The following SNX18 variants were observed in gnomAD, a reference collection of about 807,000 sequenced individuals.
SNX18 encodes sorting nexin 18.
SNX18 carries 35 observed loss-of-function variants against 48.7 expected under a neutral mutation model. The observed-to-expected ratio is 0.72, with a 90% CI of 0.55 to 0.95. The LOEUF (loss-of-function observed/expected upper bound fraction) is 0.95. Ranked by LOEUF, SNX18 falls within the 40% of genes least tolerant of loss-of-function variation. SNX18 has a pLI of 0.00. For synonymous variants in SNX18, 492 were observed against 384.7 expected, an observed-to-expected ratio of 1.28 and a Z score of -3.26; for missense variants, 824 against 871.0, an observed-to-expected ratio of 0.95 and a Z score of 0.68.
At chr5:54,550,427 G>C (rs577880057), downstream of SNX18, among the ~76,000 whole-genome samples, 569 of 151,774 alleles carry the variant, frequency 3.7e-3, 5 homozygotes, top group Non-Finnish European at 4.3e-3. Flanking sequence ...AAAACTGTAG[G>C]TATCTATCAT....
the SNX18 span, among the ~76,000 whole-genome samples, chr5:54,568,423 G>A: frequency 6.6e-6 from 1 of 152,200 alleles, no homozygotes; most frequent in Non-Finnish European, 1.5e-5. Context: ...GCCAGGCAAG[G>A]ATGCAACGGC....
chr5:54,620,046 A>G, the SNX18 span, among the ~76,000 whole-genome samples: 4 of 152,204 alleles, frequency 2.6e-5, no homozygotes, highest in African/African-American at 2.4e-5. Context: ...TTTCTCTGGC[A>G]TAGTGAGTTT....
At chr5:54,620,313 G>C in the SNX18 span, among the ~76,000 whole-genome samples, 4 of 152,166 alleles carry the variant, frequency 2.6e-5, no homozygotes, top group African/African-American at 9.7e-5. Flanking sequence ...GAAGGAAGCA[G>C]CTACCAGAAC....
At chr5:54,561,217 T>G in the SNX18 span, among the ~76,000 whole-genome samples, 1 of 152,140 alleles carries the variant, frequency 6.6e-6, no homozygotes, top group Non-Finnish European at 1.5e-5. Flanking sequence ...TAATTTTGTA[T>G]TTTTAGTAAG....
chr5:54,534,030 G>C (rs1219323089), intron 1 of SNX18, among the ~76,000 whole-genome samples: 1 of 152,004 alleles, frequency 6.6e-6, no homozygotes, highest in Non-Finnish European at 1.5e-5. Context: ...AGCATGTTAC[G>C]TGTGCCAGGG....
chr5:54,589,324 C>G, the SNX18 span, among the ~76,000 whole-genome samples: 4 of 152,120 alleles, frequency 2.6e-5, no homozygotes, highest in Non-Finnish European at 5.9e-5. Flanking sequence ...ACCCCTGTGT[C>G]TCTGCCCAAG....
chr5:54,554,833 C>T, the SNX18 span, among the ~76,000 whole-genome samples: 1 of 152,184 alleles, frequency 6.6e-6, no homozygotes, highest in African/African-American at 2.4e-5. Flanking sequence ...TAATATCGAG[C>T]AGGGATTTCC....
Position 54,543,565 on chromosome 5 carries a change from G to C in SNX18, c.*133G>C. On this transcript the variant is annotated 3_prime_UTR_variant, in exon 2 of 2. Coordinates refer to ENST00000381410, the MANE Select transcript of SNX18 (RefSeq NM_001102575.2). ...CGGTTTTGTGTTCATCTGAAACCCA[G>C]CTGAATTTATAATTATGTAGGAAAT... The C allele has an allele frequency of 1.0e-6, 1 of 1,004,026 alleles. No individual in the cohort carries two copies. The highest frequency in any genetic ancestry group is 2.5e-5 in the East Asian group (1 of 40,216). The allele number at this position is 1,004,026 out of a possible 1,614,324, so 62.2% of individuals were successfully genotyped here. A position where few individuals can be genotyped will look rare whatever the true frequency, so the allele number is the denominator to read the frequency against.
downstream of SNX18, among the ~76,000 whole-genome samples, chr5:54,547,054 A>G (rs1406186574): frequency 6.6e-6 from 1 of 152,220 alleles, no homozygotes; most frequent in Non-Finnish European, 1.5e-5. Flanking sequence ...GTAGTCTTGT[A>G]TCTGCTTATC....
the SNX18 span, among the ~76,000 whole-genome samples, chr5:54,609,861 G>A: frequency 6.6e-6 from 1 of 152,212 alleles, no homozygotes; most frequent in Non-Finnish European, 1.5e-5. Flanking sequence ...GAGGTGATTG[G>A]ATCATGGGAG....
chr5:54,585,287 G>A, the SNX18 span, among the ~76,000 whole-genome samples: 1 of 138,534 alleles, frequency 7.2e-6, no homozygotes, highest in African/African-American at 2.7e-5. Flanking sequence ...GTGAGACTCT[G>A]TCCCAAAAAG....
rs1448297748 is a variant in SNX18 at position 54,517,800 on chromosome 5, C to G, written c.-153C>G. 7 of 682,890 alleles carry G rather than the reference C, an allele frequency of 1.0e-5. No individual in the cohort carries two copies. Among genetic ancestry groups the G allele is most frequent in the African/African-American group, 5.7e-5 (3 of 52,772 alleles). 42.3% of individuals were successfully genotyped at this position (682,890 alleles called of 1,614,324 possible). A position where few individuals can be genotyped will look rare whatever the true frequency, so the allele number is the denominator to read the frequency against. Reference sequence around the variant, plus strand: ...TGGAGGCGCTGCGAGCGGAGCCGCGCGGAGGGCGCGACCGGCTGGTCCGGG... The same window carrying G: ...TGGAGGCGCTGCGAGCGGAGCCGCGGGGAGGGCGCGACCGGCTGGTCCGGG... On this transcript the variant is annotated 5_prime_UTR_variant, in exon 1 of 2. Coordinates refer to ENST00000381410, the MANE Select transcript of SNX18 (RefSeq NM_001102575.2).
At chr5:54,591,876 A>C in the SNX18 span, among the ~76,000 whole-genome samples, 2 of 152,200 alleles carry the variant, frequency 1.3e-5, no homozygotes, top group African/African-American at 4.8e-5. Flanking sequence ...TTGCATGTGC[A>C]AGAAATAAAT....
the SNX18 span, among the ~76,000 whole-genome samples, chr5:54,570,037 C>T: frequency 4.6e-5 from 7 of 152,286 alleles, no homozygotes; most frequent in Non-Finnish European, 8.8e-5. Flanking sequence ...TACGTGTAAA[C>T]GTGACTTTAC....
chr5:54,628,882 A>C, the SNX18 span, among the ~76,000 whole-genome samples: 2 of 152,168 alleles, frequency 1.3e-5, no homozygotes, highest in Admixed American at 1.3e-4. Context: ...CAACCATGCA[A>C]GTCTACTCCT....
chr5:54,575,172 T>C, the SNX18 span, among the ~76,000 whole-genome samples: 3 of 151,694 alleles, frequency 2.0e-5, no homozygotes, highest in African/African-American at 7.3e-5. Context: ...GCCTTGGGAG[T>C]CCTGACGTAT....
intron 1 of SNX18, among the ~76,000 whole-genome samples, chr5:54,542,496 G>A (rs958868818): frequency 2.6e-5 from 4 of 152,198 alleles, no homozygotes; most frequent in Non-Finnish European, 4.4e-5. Context: ...ACATGTGTTC[G>A]CAATTCACCC....
At chr5:54,601,480 G>A in the SNX18 span, among the ~76,000 whole-genome samples, 10 of 152,208 alleles carry the variant, frequency 6.6e-5, no homozygotes, top group African/African-American at 1.9e-4. Context: ...GCTTGCTTTG[G>A]TACATCCTGG....
chr5:54,560,191 G>T, the SNX18 span, among the ~76,000 whole-genome samples: 2 of 152,182 alleles, frequency 1.3e-5, no homozygotes, highest in African/African-American at 2.4e-5. Context: ...GTTCACTGCA[G>T]CACTATTCAC....
Sources: gnomAD v4.1 joint callset for allele counts (sites outside exome capture counted in the v4.1 genomes callset) on GRCh38, gnomAD v4.1.1 for gene constraint, MANE v1.5 for transcripts, NCBI Gene and HGNC (gene_info 2026-07-23, HGNC 2026-07-21) for gene names.